SLC35F1: variants seen among roughly 807,000 people sequenced by gnomAD.
SLC35F1 encodes the protein chromosome 6 open reading frame 169.
A neutral mutation model predicts 48.7 loss-of-function variants in SLC35F1; 14 were observed. The ratio of observed to expected loss-of-function variants is 0.29; its 90% CI spans 0.19 to 0.45. SLC35F1 has a LOEUF of 0.45. Ranked by LOEUF, SLC35F1 falls within the 20% of genes least tolerant of loss-of-function variation. The probability of loss-of-function intolerance (pLI) is 1.00; values close to 1 mark genes in which losing one functional copy is unlikely to be tolerated. For synonymous variants in SLC35F1, 190 were observed against 202.2 expected (o/e 0.94, Z 0.51); for missense variants, 404 against 500.0 (o/e 0.81, Z 1.83).
chr6:118,122,246 G>GAAA (rs59588804), intron 1 of SLC35F1, among the ~76,000 whole-genome samples: 2 of 140,518 alleles, frequency 1.4e-5, no homozygotes, highest in Non-Finnish European at 3.1e-5. Context: ...GTTCTACTCA[G>GAAA]AAAAAAAAAA....
intron 1 of SLC35F1, among the ~76,000 whole-genome samples, chr6:117,966,191 C>T (rs1439048992): frequency 4.2e-5 from 6 of 142,618 alleles, no homozygotes; most frequent in Admixed American, 2.2e-4. Flanking sequence ...GGGTCCCTGT[C>T]CATGCTGTGG....
chr6:118,286,775 C>CTGTGTGTGTGTGTG (rs372641234), intron 7 of SLC35F1, among the ~76,000 whole-genome samples: 1 of 143,578 alleles, frequency 7.0e-6, no homozygotes, highest in African/African-American at 2.6e-5. Context: ...TACCTTTTTT[C>CTGTGTGTGTGTGTG]TGTGTGTGTG....
chr6:118,133,506 T>C (rs1773747649), intron 1 of SLC35F1, among the ~76,000 whole-genome samples: 1 of 152,302 alleles, frequency 6.6e-6, no homozygotes, highest in East Asian at 1.9e-4. Flanking sequence ...GTTAATCATA[T>C]TGATAGAATA....
chr6:118,126,087 A>G (rs1773620068), intron 1 of SLC35F1, among the ~76,000 whole-genome samples: 1 of 152,196 alleles, frequency 6.6e-6, no homozygotes, highest in South Asian at 2.1e-4. Flanking sequence ...CTTGAGAAGC[A>G]GAATAGTCAG....
At chr6:118,172,360 T>C (rs1774418789) in intron 2 of SLC35F1, among the ~76,000 whole-genome samples, 3 of 152,184 alleles carry the variant, frequency 2.0e-5, no homozygotes, top group Admixed American at 1.3e-4. Context: ...TCCTGCCTTT[T>C]TCTATAACCT....
At chr6:117,975,309 T>C (rs560285269) in intron 1 of SLC35F1, among the ~76,000 whole-genome samples, 2 of 152,362 alleles carry the variant, frequency 1.3e-5, no homozygotes, top group African/African-American at 4.8e-5. Context: ...AAAGAAATTT[T>C]GATTAGAGTT....
chr6:118,071,220 G>A (rs138325142), intron 1 of SLC35F1, among the ~76,000 whole-genome samples: 2,018 of 146,946 alleles, frequency 0.014, 58 homozygotes, highest in African/African-American at 0.047. Flanking sequence ...TATACTATGT[G>A]TATATATTTT....
In SLC35F1 at chr6:118,265,183, A is replaced by T. The variant is rs573112202; in HGVS notation, c.478-1812A>T. Among the ~76,000 whole-genome samples, 12 of 152,354 alleles carry T rather than the reference A, an allele frequency of 7.9e-5. 1 individual carries two copies. In the Middle Eastern group the frequency reaches 0.01, roughly 130 times the overall value. On this transcript the variant is annotated intron_variant, in intron 3 of 7. Coordinates refer to ENST00000360388, the MANE Select transcript of SLC35F1 (RefSeq NM_001029858.4). Reference sequence around the variant, plus strand: ...AAAGCTTTGGGGATAGAGGGGATTCACAATGCTATTTGCAGTGCCAAGAAG... The same window carrying T: ...AAAGCTTTGGGGATAGAGGGGATTCTCAATGCTATTTGCAGTGCCAAGAAG...
intron 1 of SLC35F1, among the ~76,000 whole-genome samples, chr6:117,959,458 CTCTG>C (rs1682129864): frequency 6.6e-6 from 1 of 152,174 alleles, no homozygotes; most frequent in Admixed American, 6.5e-5. Context: ...GTAACAAAAT[CTCTG>C]TCTGTAGGGC....
intron 1 of SLC35F1, among the ~76,000 whole-genome samples, chr6:117,919,566 T>G (rs879421032): frequency 6.6e-6 from 1 of 152,098 alleles, no homozygotes; most frequent in Non-Finnish European, 1.5e-5. Flanking sequence ...GTCCCTACTC[T>G]GGGGACTGTC....
At chr6:118,202,469 C>A (rs569457910) in intron 2 of SLC35F1, among the ~76,000 whole-genome samples, 12 of 152,266 alleles carry the variant, frequency 7.9e-5, no homozygotes, top group Non-Finnish European at 1.6e-4. Context: ...TGCATTCCAG[C>A]CTGGGTGACA....
At position 118,234,277 on chromosome 6, in the gene SLC35F1, T is replaced by C. The variant is rs531542879; in HGVS notation, c.350-1232T>C. 3.9e-5 allele frequency among the ~76,000 whole-genome samples: 6 copies of C among 152,338 alleles called. No individual in the cohort carries two copies. The East Asian group carries it at 1.2e-3, about 29-fold the overall frequency. ...TCCCCTTGAATGTGGGCTGGACTTATTGACCCTTTGTTAAAGAATACAGTA... is the reference window on the plus strand; with the variant it reads ...TCCCCTTGAATGTGGGCTGGACTTACTGACCCTTTGTTAAAGAATACAGTA... On this transcript the variant is annotated intron_variant, in intron 2 of 7. Transcript: ENST00000360388.
chr6:118,181,900 C>T lies in SLC35F1; in HGVS notation c.349+27280C>T, dbSNP rs995745125. Among the ~76,000 whole-genome samples the T allele has an allele frequency of 3.3e-5, 5 of 152,060 alleles. No homozygotes were observed. In the East Asian group the frequency reaches 9.7e-4, roughly 29 times the overall value. ...AAACAATCCTAAGCCTGTAAAAATA[C>T]CTAGTAATATTGATTCAAAATAGAT... On this transcript the variant is annotated intron_variant, in intron 2 of 7. Coordinates refer to ENST00000360388, the MANE Select transcript of SLC35F1 (RefSeq NM_001029858.4).
intron 2 of SLC35F1, among the ~76,000 whole-genome samples, chr6:118,229,119 C>T (rs1775256359): frequency 6.6e-6 from 1 of 151,934 alleles, no homozygotes; most frequent in Non-Finnish European, 1.5e-5. Context: ...TTTTCATTCC[C>T]TCAACATTTA....
chr6:118,119,171 A>AT (rs1027605207), intron 1 of SLC35F1, among the ~76,000 whole-genome samples: 5 of 152,130 alleles, frequency 3.3e-5, no homozygotes, highest in African/African-American at 1.2e-4. Flanking sequence ...GCAATGGAGC[A>AT]TAAGTATTCT....
intron 1 of SLC35F1, among the ~76,000 whole-genome samples, chr6:118,018,983 A>C (rs960600466): frequency 6.6e-6 from 1 of 152,164 alleles, no homozygotes; most frequent in Non-Finnish European, 1.5e-5. Context: ...ATTTGAAATA[A>C]TTTGAGCTCT....
chr6:118,054,539 G>C (rs543322550), intron 1 of SLC35F1, among the ~76,000 whole-genome samples: 1 of 152,214 alleles, frequency 6.6e-6, no homozygotes, highest in South Asian at 2.1e-4. Flanking sequence ...TCATTTTCAG[G>C]GTCTTGTATT....
At chr6:118,233,771 G>C (rs1027510426) in intron 2 of SLC35F1, among the ~76,000 whole-genome samples, 15 of 152,206 alleles carry the variant, frequency 9.9e-5, no homozygotes, top group Non-Finnish European at 5.9e-5. Flanking sequence ...GACCAGAGAA[G>C]GGCTACATTT....
intron 1 of SLC35F1, among the ~76,000 whole-genome samples, chr6:117,954,744 C>T (rs1366743564): frequency 2.0e-5 from 3 of 152,188 alleles, no homozygotes; most frequent in Admixed American, 2.0e-4. Flanking sequence ...TGTATGAAGG[C>T]TCATGATCCA....
Sources: gnomAD v4.1 joint callset for allele counts (sites outside exome capture counted in the v4.1 genomes callset) on GRCh38, gnomAD v4.1.1 for gene constraint, MANE v1.5 for transcripts, NCBI Gene and HGNC (gene_info 2026-07-23, HGNC 2026-07-21) for gene names.